The following SPATA13 variants were observed in gnomAD, a reference collection of about 807,000 sequenced individuals.
The protein encoded by SPATA13 is spermatogenesis-associated protein 13.
Under a neutral mutation model 104.0 loss-of-function variants are expected in SPATA13, and 50 were observed. That is an observed-to-expected ratio of 0.48 (90% confidence interval 0.38 to 0.61). The LOEUF (loss-of-function observed/expected upper bound fraction) is 0.61, where lower values mean the gene tolerates loss of function less well. SPATA13 is among the 20% of genes least tolerant of loss of function. The pLI is 0.00. For synonymous variants in SPATA13, 606 were observed against 667.5 expected, an observed-to-expected ratio of 0.91 and a Z score of 1.42; for missense variants, 1,524 against 1,690.6, an observed-to-expected ratio of 0.90 and a Z score of 1.73.
At chr13:24,071,977 G>A (rs1879177267) in intron 3 of SPATA13, among the ~76,000 whole-genome samples, 1 of 152,222 alleles carries the variant, frequency 6.6e-6, no homozygotes, top group Non-Finnish European at 1.5e-5. Flanking sequence ...TTGGCATAAA[G>A]ATGTAACATG....
intron 3 of SPATA13, among the ~76,000 whole-genome samples, chr13:24,025,985 A>C (rs891396737): frequency 1.3e-5 from 2 of 151,826 alleles, no homozygotes; most frequent in African/African-American, 4.8e-5. Flanking sequence ...TTGTATTTTT[A>C]ATAGAGATGG....
chr13:24,058,068 A>T (rs1225919459), intron 3 of SPATA13, among the ~76,000 whole-genome samples: 1 of 151,848 alleles, frequency 6.6e-6, no homozygotes, highest in East Asian at 1.9e-4. Context: ...CCATCTGGCC[A>T]TGCTGTGGCC....
At chr13:24,105,549 A>T (rs554594985) in intron 3 of SPATA13, among the ~76,000 whole-genome samples, 1 of 152,094 alleles carries the variant, frequency 6.6e-6, no homozygotes, top group African/African-American at 2.4e-5. Context: ...CTTGATAAAT[A>T]GATGTTGAAT....
At chr13:24,260,480 C>T (rs1312097205) in intron 4 of SPATA13, among the ~76,000 whole-genome samples, 1 of 152,158 alleles carries the variant, frequency 6.6e-6, no homozygotes, top group African/African-American at 2.4e-5. Flanking sequence ...GAGCATGACC[C>T]CACCAAGCCT....
chr13:24,147,072 C>T (rs1301848263), intron 3 of SPATA13, among the ~76,000 whole-genome samples: 1 of 152,114 alleles, frequency 6.6e-6, no homozygotes, highest in Non-Finnish European at 1.5e-5. Context: ...GCCCATAACT[C>T]CAAGCATGCA....
intron 3 of SPATA13, among the ~76,000 whole-genome samples, chr13:24,092,279 C>T (rs538407616): frequency 7.2e-5 from 11 of 152,222 alleles, no homozygotes; most frequent in Admixed American, 3.9e-4. Flanking sequence ...CTGGACATTC[C>T]GGCAGCTCTC....
intron 4 of SPATA13, among the ~76,000 whole-genome samples, chr13:24,265,120 C>T (rs1874235772): frequency 2.0e-5 from 3 of 152,176 alleles, no homozygotes; most frequent in Admixed American, 2.0e-4. Context: ...ACAGAGTTTG[C>T]CCTTGTACTT....
At chr13:24,102,221 T>G (rs1593330064) in intron 3 of SPATA13, among the ~76,000 whole-genome samples, 1 of 152,348 alleles carries the variant, frequency 6.6e-6, no homozygotes, top group East Asian at 1.9e-4. Flanking sequence ...TGCGTTTTGC[T>G]AATTTATAAT....
At chr13:24,017,697 A>G in exon 3 of SPATA13, 1 of 984,852 alleles carries the variant, frequency 1.0e-6, no homozygotes, top group Non-Finnish European at 1.2e-6. Flanking sequence ...TGGTGCAGAA[A>G]CTCGGTAAGA....
intron 3 of SPATA13, among the ~76,000 whole-genome samples, chr13:24,018,888 T>C (rs1876834344): frequency 6.6e-6 from 1 of 152,218 alleles, no homozygotes; most frequent in Non-Finnish European, 1.5e-5. Flanking sequence ...TGGTGTACAC[T>C]CGAGAAATAA....
At chr13:24,074,634 T>C (rs1270140584) in intron 3 of SPATA13, among the ~76,000 whole-genome samples, 1 of 64,180 alleles carries the variant, frequency 1.6e-5, no homozygotes, top group Non-Finnish European at 3.9e-5. Flanking sequence ...AGGAGTAAAG[T>C]GATTAAAAAA....
chr13:24,044,318 C>CGA (rs1878053063), intron 3 of SPATA13, among the ~76,000 whole-genome samples: 1 of 151,068 alleles, frequency 6.6e-6, no homozygotes, highest in Non-Finnish European at 1.5e-5. Flanking sequence ...CTGCAATCTC[C>CGA]ACCTCCTGGG....
rs1281949485 is a variant in SPATA13 at position 24,291,739 on chromosome 13, TA to T, written c.3080+856del. Among the ~76,000 whole-genome samples the T allele has an allele frequency of 3.5e-3, 147 of 42,284 alleles. 3 individuals carry two copies. Among genetic ancestry groups the T allele is most frequent in the African/African-American group, 0.013 (138 of 10,770 alleles). The allele number at this position is 42,284 out of a possible 152,430, so 27.7% of individuals were successfully genotyped here. ...ACAAAATACACTCTCTCTCTGTCTT[TA>T]TTTTTTTATTTTTTTATTTTTTTTT... On this transcript the variant is annotated intron_variant, in intron 9 of 12. Coordinates refer to ENST00000382108, the MANE Select transcript of SPATA13 (RefSeq NM_001166271.3).
At chr13:24,056,418 G>A (rs1878545906) in intron 3 of SPATA13, among the ~76,000 whole-genome samples, 1 of 152,184 alleles carries the variant, frequency 6.6e-6, no homozygotes, top group Non-Finnish European at 1.5e-5. Context: ...CTTACCTTTA[G>A]GCTTGTTATT....
chr13:24,091,243 T>C (rs576813846), intron 3 of SPATA13, among the ~76,000 whole-genome samples: 117 of 152,222 alleles, frequency 7.7e-4, no homozygotes, highest in Non-Finnish European at 1.5e-3. Flanking sequence ...AAGATCTTGC[T>C]TGGGCATACA....
Position 24,173,362 on chromosome 13 carries a change from T to TTGTGTGTGTGTG in SPATA13, c.-112+12459_-112+12470dup, listed in dbSNP as rs60850610. The stretch of plus-strand genomic sequence containing the variant: ...GTGGAACTCACTCATTAGTTCTTAG[T>TTGTGTGTGTGTG]TGTGTGTGTGTGTGTGTGTGTGTGT... On this transcript the variant is annotated intron_variant, in intron 1 of 12. Coordinates refer to ENST00000382108, the MANE Select transcript of SPATA13 (RefSeq NM_001166271.3). Among the ~76,000 whole-genome samples, 10 of 146,722 alleles carry TTGTGTGTGTGTG rather than the reference T, an allele frequency of 6.8e-5. No individual in the cohort carries two copies. In the East Asian group the frequency reaches 1.2e-3, roughly 18 times the overall value.
chr13:24,115,612 C>T (rs1880808016), intron 3 of SPATA13, among the ~76,000 whole-genome samples: 1 of 152,234 alleles, frequency 6.6e-6, no homozygotes, highest in African/African-American at 2.4e-5. Flanking sequence ...TCTACAAAAC[C>T]AGTCCGTGGT....
In SPATA13 at chr13:24,224,467, C is replaced by A; in HGVS notation, c.1538C>A (p.Pro513Gln). The A allele has an allele frequency of 6.4e-7, 1 of 1,551,432 alleles. No individual in the cohort carries two copies. The highest frequency in any genetic ancestry group is 8.7e-7 in the Non-Finnish European group (1 of 1,147,002). Residue 513 changes from proline to glutamine, a missense_variant, in exon 2 of 13, where the codon CCA becomes CAA. Physicochemically the swap from Pro to Gln is moderately conservative, Grantham distance 76. Transcript: ENST00000382108. ...GCAGAAGAGCCTGCTCAGAGAGAGC[C>A]AGGGCCTGTGTCCTTGCAGGATCCC... ...GRAEEPAQRE[P>Q]GPVSLQDPLE...
At chr13:24,271,025 T>TCTCTCTCTCTCTCTCA in intron 4 of SPATA13, 4 of 683,834 alleles carry the variant, frequency 5.8e-6, no homozygotes, top group African/African-American at 1.8e-5. Context: ...TCTCTCACTC[T>TCTCTCTCTCTCTCTCA]CTCTCTCTCT....
Sources: allele counts gnomAD v4.1 joint callset (sites outside exome capture counted in the v4.1 genomes callset), GRCh38; gene constraint gnomAD v4.1.1; transcripts MANE v1.5; gene names NCBI Gene and HGNC (gene_info 2026-07-23, HGNC 2026-07-21).